The following USP21 variants were observed in gnomAD, a reference collection of about 807,000 sequenced individuals.
USP21 encodes ubiquitin specific peptidase 21.
In USP21, 37 loss-of-function variants were observed where a neutral mutation model predicts 70.8. The observed-to-expected ratio is 0.52, with a 90% confidence interval of 0.40 to 0.69. The LOEUF is 0.69. USP21 is among the 30% of genes least tolerant of loss of function. USP21 has a pLI of 0.00. For synonymous variants in USP21, 263 were observed against 283.1 expected (o/e 0.93, Z 0.71); for missense variants, 584 against 740.8 (o/e 0.79, Z 2.46).
At position 161,163,057 on chromosome 1, in the gene USP21, A is replaced by G. The variant is rs750318425; in HGVS notation, c.1032A>G (p.Leu344=). The G allele has an allele frequency of 7.5e-6, 12 of 1,606,754 alleles. No homozygotes were observed. The South Asian group carries it at 1.3e-4, about 18-fold the overall frequency. The change falls in exon 7 of 14, where the codon CTA becomes CTG. Residue 344 remains leucine (L), a synonymous_variant. Transcript: ENST00000368002. ...CACCCCGCCGAGGAGGGGCTCTGCT[A>G]GAAGAACCTGAGTTAAGGTAAGGGT... The part of the protein sequence containing the change: ...PSPPRRGGAL[L]EEPELSDDDR...
At position 161,164,105 on chromosome 1, in the gene USP21, G is replaced by C. The variant is rs1428624643; in HGVS notation, c.1219-59G>C. On this transcript the variant is annotated intron_variant, in intron 9 of 13. Transcript: ENST00000368002. The surrounding 1 kb of genome is among the most constrained non-coding windows in gnomAD (Gnocchi z 4.2). ...AGCAGAACTGAAGCCTGGATTGATTGAGAAGAGTTGGAAAAGGAAATTCAG... is the reference window on the plus strand; with the variant it reads ...AGCAGAACTGAAGCCTGGATTGATTCAGAAGAGTTGGAAAAGGAAATTCAG... 1.3e-6 allele frequency: 2 copies of C among 1,597,322 alleles called. No homozygotes were observed. Among genetic ancestry groups the C allele is most frequent in the Non-Finnish European group, 1.7e-6 (2 of 1,165,044 alleles).
rs142766324 is a variant in USP21 at position 161,165,438 on chromosome 1, G to C, written c.1689G>C (p.Arg563=). The change falls in exon 14 of 14, where the codon CGG becomes CGC. Residue 563 remains arginine (R), a synonymous_variant. Coordinates refer to ENST00000368002, the MANE Select transcript of USP21 (RefSeq NM_001014443.3). ...ACCAACTGATGCAGGAGCCACCCCG[G>C]TGCCTGTGACACCTCTAAGCTCTGG... The part of the protein sequence containing the change: ...LFYQLMQEPP[R]CL 3.5e-5 allele frequency: 57 copies of C among 1,613,838 alleles called. No individual in the cohort carries two copies. The African/African-American group carries it at 7.2e-4, about 20-fold the overall frequency.
chr1:161,164,859 G>C lies in USP21; in HGVS notation c.1409G>C (p.Arg470Pro), dbSNP rs111461715. Residue 470 changes from arginine (R) to proline (P), a missense_variant, in exon 12 of 14, where the codon CGA becomes CCA. Coordinates refer to ENST00000368002, the MANE Select transcript of USP21 (RefSeq NM_001014443.3). This position sits in a 1 kb window ranked among gnomAD's most constrained non-coding sequence, Gnocchi z 4.2. ...GATCTGAATCGATTTTCTGCCTCCC[G>C]AGGCTCCATCAAAAAAAGTTCAGTA... is the stretch of plus-strand genomic sequence containing the variant. ...VLHLNRFSAS[R>P]GSIKKSSVGV... 1 of 1,613,908 alleles carries C rather than the reference G, an allele frequency of 6.2e-7. No homozygotes were observed. The highest frequency in any genetic ancestry group is 8.5e-7 in the Non-Finnish European group (1 of 1,179,936).
At position 161,163,074 on chromosome 1, in the gene USP21, G is replaced by A; in HGVS notation, c.1049G>A (p.Ser350Asn). The change falls in exon 7 of 14, where the codon AGT (serine) becomes AAT (asparagine). Residue 350 changes from serine (S) to asparagine (N), a missense_variant and splice_region_variant. By Grantham distance (46) the Ser-to-Asn change is conservative. Around this residue, in one of 4 missense-constraint regions of USP21, gnomAD observed 40 missense variants for 29.3 expected, o/e 1.37. Transcript: ENST00000368002. Reference protein sequence around the residue: ...GGALLEEPELSDDDRANLMWK... With the variant: ...GGALLEEPELNDDDRANLMWK... ...GCTCTGCTAGAAGAACCTGAGTTAA[G>A]GTAAGGGTCGTTCCCTCTACCTCCT... is the stretch of plus-strand genomic sequence containing the variant. 2 of 1,594,410 alleles carry A rather than the reference G, an allele frequency of 1.3e-6. No homozygotes were observed. Among genetic ancestry groups the A allele is most frequent in the Non-Finnish European group, 8.5e-7 (1 of 1,171,634 alleles).
rs780900838 is a variant in USP21, at chr1:161,160,728, G to T, written c.88G>T (p.Ala30Ser). Residue 30 changes from alanine (A) to serine (S), a missense_variant, in exon 3 of 14, where the codon GCC (alanine) becomes TCC (serine). By Grantham distance (99) the Ala-to-Ser change is moderately conservative. Around this residue, in one of 4 missense-constraint regions of USP21, gnomAD observed 284 missense variants for 281.0 expected, o/e 1.01. Transcript: ENST00000368002. Reference protein sequence around the residue: ...QPRVGSKLPFAPRARSKERRN... With the variant: ...QPRVGSKLPFSPRARSKERRN... Reference sequence around the variant, plus strand: ...CCGAGTGGGATCCAAGCTACCATTTGCCCCCAGGGCCCGCAGCAAGGAGCG... The same window carrying T: ...CCGAGTGGGATCCAAGCTACCATTTTCCCCCAGGGCCCGCAGCAAGGAGCG... The T allele has an allele frequency of 8.1e-6, 13 of 1,614,012 alleles. No homozygotes were observed. The South Asian group carries it at 1.1e-4, about 14-fold the overall frequency.
In USP21 at chr1:161,160,696, T is replaced by A. The variant is rs1433024995; in HGVS notation, c.56T>A (p.Ile19Asn). ...CGTACCCGAGAGCCACCTGTTAATA[T>A]CCAGCCCCGAGTGGGATCCAAGCTA... Reference protein sequence around the residue: ...LGRTREPPVNIQPRVGSKLPF... With the variant: ...LGRTREPPVNNQPRVGSKLPF... Residue 19 changes from isoleucine (I) to asparagine (N), a missense_variant, in exon 3 of 14, where the codon ATC becomes AAC. By Grantham distance (149) the Ile-to-Asn change is moderately radical. This residue lies in a region of USP21 where 284 missense variants were observed against 281.0 expected (regional missense o/e 1.01). Transcript: ENST00000368002. The A allele has an allele frequency of 6.2e-7, 1 of 1,614,032 alleles. No individual in the cohort carries two copies. The highest frequency in any genetic ancestry group is 1.1e-5 in the South Asian group (1 of 91,076).
At chr1:161,163,116 A>T in intron 7 of USP21, 42 bp downstream of exon 7, 1 of 1,546,812 alleles carries the variant, frequency 6.5e-7, no homozygotes. Flanking sequence ...GTAGTTTATC[A>T]GCATCATTCA....
Position 161,161,213 on chromosome 1 carries a change from T to G in USP21, c.573T>G (p.Ser191=). 6.2e-7 allele frequency: 1 copy of G among 1,608,274 alleles called. No homozygotes were observed. The highest frequency in any genetic ancestry group is 1.3e-5 in the African/African-American group (1 of 74,986). Residue 191 remains serine (S), a synonymous_variant, in exon 3 of 14, where the codon TCT becomes TCG. Coordinates refer to ENST00000368002, the MANE Select transcript of USP21 (RefSeq NM_001014443.3). This position sits in a 1 kb window ranked among gnomAD's most constrained non-coding sequence, Gnocchi z 4.2. ...TCCACATGATATCCGCCCGGTCCTCTGAGCCTTTCTACTCTGATGACAAGA... is the reference window on the plus strand; with the variant it reads ...TCCACATGATATCCGCCCGGTCCTCGGAGCCTTTCTACTCTGATGACAAGA... ...GSFHMISARS[S]EPFYSDDKMA... is the part of the protein sequence containing the mutation.
Position 161,164,498 on chromosome 1 carries a change from A to T in USP21, c.1306-36A>T. 1 of 1,612,588 alleles carries T rather than the reference A, an allele frequency of 6.2e-7. No homozygotes were observed. The highest frequency in any genetic ancestry group is 8.5e-7 in the Non-Finnish European group (1 of 1,178,684). On this transcript the variant is annotated intron_variant, in intron 10 of 13. Coordinates refer to ENST00000368002, the MANE Select transcript of USP21 (RefSeq NM_001014443.3). This position sits in a 1 kb window ranked among gnomAD's most constrained non-coding sequence, Gnocchi z 4.2. ...GTCAGAAAAGCCAATTGAGGTTAGG[A>T]GCATATTAACCTAACACTGTTTGCC...
rs971217557 is a variant in USP21, at chr1:161,165,654, C to T, written c.*207C>T. On this transcript the variant is annotated 3_prime_UTR_variant, in exon 14 of 14. Transcript: ENST00000368002. ...AGCCCCATGTACAAAGCTCACCAAG[C>T]CCCTGCCCATGTACAGCCCCCAGAC... 13 of 544,754 alleles carry T rather than the reference C, an allele frequency of 2.4e-5. No individual in the cohort carries two copies. Among genetic ancestry groups the T allele is most frequent in the Non-Finnish European group, 3.6e-5 (11 of 304,306 alleles). 33.7% of individuals were successfully genotyped at this position (544,754 alleles called of 1,614,324 possible).
In USP21 at chr1:161,164,985, G is replaced by T; in HGVS notation, c.1492+43G>T. The stretch of plus-strand genomic sequence containing the variant: ...AGTCCTAAGGAGCCAAAGGAGTGGG[G>T]GCACAGCTCTGATTATAGAACTTGA... On this transcript the variant is annotated intron_variant, in intron 12 of 13. Transcript: ENST00000368002. The surrounding 1 kb of genome is among the most constrained non-coding windows in gnomAD (Gnocchi z 4.2). 6.2e-7 allele frequency: 1 copy of T among 1,612,910 alleles called. No individual in the cohort carries two copies. Among genetic ancestry groups the T allele is most frequent in the Non-Finnish European group, 8.5e-7 (1 of 1,179,018 alleles).
rs374319270 is a variant in USP21 at position 161,160,365 on chromosome 1, G to A, written c.-162-1G>A. ...TTACTTTGTACCAAACACGATGCCA[G>A]GTACTGGGGATACGATGGCTGATTC... On this transcript the variant is annotated splice_acceptor_variant, in intron 1 of 13. Coordinates refer to ENST00000368002, the MANE Select transcript of USP21 (RefSeq NM_001014443.3). LOFTEE classifies it low-confidence loss of function (5UTR_SPLICE). 8 of 522,778 alleles carry A rather than the reference G, an allele frequency of 1.5e-5. No individual in the cohort carries two copies. The highest frequency in any genetic ancestry group is 9.8e-5 in the East Asian group (3 of 30,748). 32.4% of individuals were successfully genotyped at this position (522,778 alleles called of 1,614,324 possible).
At chr1:161,163,192 A>G (rs1175104360) in intron 7 of USP21, 118 bp downstream of exon 7, 3 of 1,265,862 alleles carry the variant, frequency 2.4e-6, no homozygotes, top group Non-Finnish European at 3.3e-6. Flanking sequence ...TTAGTATAGA[A>G]AATAGTATGA....
rs1353334340 is a variant in USP21 at position 161,162,229 on chromosome 1, T to G, written c.661-41T>G. On this transcript the variant is annotated intron_variant, in intron 4 of 13. Transcript: ENST00000368002. The surrounding 1 kb of genome is among the most constrained non-coding windows in gnomAD (Gnocchi z 4.1). ...AGCTCTTCTAAGGCTTCCTGGGCAG[T>G]GGTCTGGAGAGATAACAGCAGTGTC... is the stretch of plus-strand genomic sequence containing the variant. 1 of 1,608,350 alleles carries G rather than the reference T, an allele frequency of 6.2e-7. No individual in the cohort carries two copies. The highest frequency in any genetic ancestry group is 8.5e-7 in the Non-Finnish European group (1 of 1,176,020).
chr1:161,164,444 G>A lies in USP21; in HGVS notation c.1306-90G>A, dbSNP rs544541783. ...CAAGAGGATCCAGCTGTAATGAAGA[G>A]CATACTAAATTTGTATGTGGATCGG... On this transcript the variant is annotated intron_variant, in intron 10 of 13. Transcript: ENST00000368002. The surrounding 1 kb of genome is among the most constrained non-coding windows in gnomAD (Gnocchi z 4.2). 6.7e-6 allele frequency: 10 copies of A among 1,501,622 alleles called. No homozygotes were observed. The South Asian group carries it at 1.1e-4, about 17-fold the overall frequency. The allele number at this position is 1,501,622 out of a possible 1,614,324, so 93.0% of individuals were successfully genotyped here.
chr1:161,160,518 G>T lies in USP21; in HGVS notation c.-22+12G>T. 8.0e-7 allele frequency: 1 copy of T among 1,250,962 alleles called. No individual in the cohort carries two copies. The highest frequency in any genetic ancestry group is 1.5e-5 in the African/African-American group (1 of 66,624). 77.5% of individuals were successfully genotyped at this position (1,250,962 alleles called of 1,614,324 possible). Reference sequence around the variant, plus strand: ...CAGCAAGATTGTGGGTATGGAATGGGGCAAAGCAATAAGGGAAAATTAGTG... The same window carrying T: ...CAGCAAGATTGTGGGTATGGAATGGTGCAAAGCAATAAGGGAAAATTAGTG... On this transcript the variant is annotated intron_variant, in intron 2 of 13. Transcript: ENST00000368002.
At position 161,161,838 on chromosome 1, in the gene USP21, C is replaced by T. The variant is rs73021763; in HGVS notation, c.601-200C>T. ...CAGGTGGGACAGCCATGGCTGAGTCCGTGGTACATTCAGCTGTGATGGGCT... is the reference window on the plus strand; with the variant it reads ...CAGGTGGGACAGCCATGGCTGAGTCTGTGGTACATTCAGCTGTGATGGGCT... On this transcript the variant is annotated intron_variant, in intron 3 of 13. Coordinates refer to ENST00000368002, the MANE Select transcript of USP21 (RefSeq NM_001014443.3). This position sits in a 1 kb window ranked among gnomAD's most constrained non-coding sequence, Gnocchi z 4.2. 0.013 allele frequency: 8,060 copies of T among 612,706 alleles called. 512 individuals carry two copies. The highest frequency in any genetic ancestry group is 0.13 in the African/African-American group (7,148 of 54,442). 38.0% of individuals were successfully genotyped at this position (612,706 alleles called of 1,614,324 possible). A position where few individuals can be genotyped will look rare whatever the true frequency, so the allele number is the denominator to read the frequency against.
chr1:161,163,593 T>C lies in USP21; in HGVS notation c.1088T>C (p.Leu363Pro). The C allele has an allele frequency of 6.2e-7, 1 of 1,608,174 alleles. No homozygotes were observed. The highest frequency in any genetic ancestry group is 8.5e-7 in the Non-Finnish European group (1 of 1,177,950). Residue 363 changes from leucine (L) to proline (P), a missense_variant, in exon 8 of 14, where the codon CTG (leucine) becomes CCG (proline). By Grantham distance (98) the Leu-to-Pro change is moderately conservative. Transcript: ENST00000368002. ...DRANLMWKRY[L>P]EREDSKIVDL... ...GCCAACCTAATGTGGAAACGTTACC[T>C]GGAGCGAGAGGACAGCAAGATTGTG...
At position 161,161,464 on chromosome 1, in the gene USP21, G is replaced by T; in HGVS notation, c.600+224G>T. On this transcript the variant is annotated intron_variant, in intron 3 of 13. Transcript: ENST00000368002. This position sits in a 1 kb window ranked among gnomAD's most constrained non-coding sequence, Gnocchi z 4.2. ...TGGTGTGCCATTTCGGTCCCCAGGG[G>T]ATTACCCCAACTATTTAGAATTCTT... is the stretch of plus-strand genomic sequence containing the variant. 1 of 546,214 alleles carries T rather than the reference G, an allele frequency of 1.8e-6. No homozygotes were observed. The allele number at this position is 546,214 out of a possible 1,614,324, so 33.8% of individuals were successfully genotyped here.
Sources: allele counts gnomAD v4.1 joint callset, GRCh38; gene constraint gnomAD v4.1.1; regional missense constraint gnomAD v4.1.1; non-coding constraint Gnocchi (gnomAD v3.1); transcripts MANE v1.5; gene names NCBI Gene and HGNC (gene_info 2026-07-23, HGNC 2026-07-21).